Variants in CFAP61 observed in about 807,000 individuals in gnomAD.
CFAP61 encodes cilia- and flagella-associated protein 61.
In CFAP61, 107 loss-of-function variants were observed where a neutral mutation model predicts 135.6. That is an observed-to-expected ratio of 0.79 (90% CI 0.67 to 0.93). CFAP61 has a LOEUF of 0.93. Among genes scored for constraint, CFAP61 ranks in the 40% least tolerant of loss-of-function variants. CFAP61 has a pLI of 0.00. For missense variants in CFAP61, 1,507 were observed against 1,556.2 expected, an observed-to-expected ratio of 0.97 and a Z score of 0.53; for synonymous variants, 575 against 578.5, an observed-to-expected ratio of 0.99 and a Z score of 0.09.
intron 8 of CFAP61, chr20:20,107,784 A>G (rs776114024): frequency 5.3e-5 from 8 of 152,078 alleles, no homozygotes; most frequent in Non-Finnish European, 7.3e-5. Flanking sequence ...ATGTGCCACC[A>G]TACCTTGCTA....
At position 20,140,776 on chromosome 20, in the gene CFAP61, C is replaced by T. The variant is rs561197889; in HGVS notation, c.860-2081C>T. 1.6e-3 allele frequency among the ~76,000 whole-genome samples: 237 copies of T among 151,934 alleles called. 1 individual carries two copies. Among genetic ancestry groups the T allele is most frequent in the African/African-American group, 5.5e-3 (226 of 41,434 alleles). ...GACACATGCACACGTATGCTTATTG[C>T]GGCACTATTCACAATAGCAAAGACT... is the stretch of plus-strand genomic sequence containing the variant. On this transcript the variant is annotated intron_variant, in intron 8 of 26. Coordinates refer to ENST00000245957, the MANE Select transcript of CFAP61 (RefSeq NM_015585.4).
At chr20:20,097,780 A>T (rs2047690726) in intron 7 of CFAP61, among the ~76,000 whole-genome samples, 1 of 152,212 alleles carries the variant, frequency 6.6e-6, no homozygotes, top group Non-Finnish European at 1.5e-5. Flanking sequence ...TCACTGGAAC[A>T]TTTTCCACCA....
intron 25 of CFAP61, among the ~76,000 whole-genome samples, chr20:20,321,727 CCA>C (rs1488882689): frequency 6.6e-6 from 1 of 152,154 alleles, no homozygotes; most frequent in African/African-American, 2.4e-5. Flanking sequence ...GGTCCCAACT[CCA>C]GTTTCCTTGG....
Position 20,196,686 on chromosome 20 carries a change from C to G in CFAP61, c.1707C>G (p.His569Gln). 2 of 1,614,196 alleles carry G rather than the reference C, an allele frequency of 1.2e-6. No individual in the cohort carries two copies. Among genetic ancestry groups the G allele is most frequent in the East Asian group, 4.5e-5 (2 of 44,882 alleles). Residue 569 changes from histidine (H) to glutamine (Q), a missense_variant, in exon 16 of 27, where the codon CAC becomes CAG. Transcript: ENST00000245957. The stretch of plus-strand genomic sequence containing the variant: ...TTGCCCTCAACCCCATTTTCCGGCA[C>G]TACACCAAGTTCTTTCTGAAGGAGA... ...HHFALNPIFR[H>Q]YTKFFLKEIL...
chr20:20,314,403 A>AC (rs1279714528), intron 25 of CFAP61, among the ~76,000 whole-genome samples: 4 of 146,742 alleles, frequency 2.7e-5, no homozygotes, highest in African/African-American at 1.0e-4. Context: ...AAAAAAAAAA[A>AC]AAAAAATCAA....
At chr20:20,335,068 C>T (rs2058131121) in intron 25 of CFAP61, among the ~76,000 whole-genome samples, 1 of 152,124 alleles carries the variant, frequency 6.6e-6, no homozygotes, top group Non-Finnish European at 1.5e-5. Context: ...CAAATTGTGC[C>T]TGTTCTCTGC....
Position 20,074,345 on chromosome 20 carries a change from A to G in CFAP61, c.338A>G (p.Glu113Gly), listed in dbSNP as rs1268130680. 6.2e-7 allele frequency: 1 copy of G among 1,614,048 alleles called. No homozygotes were observed. Among genetic ancestry groups the G allele is most frequent in the African/African-American group, 1.3e-5 (1 of 74,914 alleles). Reference sequence around the variant, plus strand: ...ATGCACCTCTTTGTGGCCGTGGATGAGTATTCTGTTGGCTGTTGCAAAGAG... The same window carrying G: ...ATGCACCTCTTTGTGGCCGTGGATGGGTATTCTGTTGGCTGTTGCAAAGAG... ...LFMHLFVAVDEYSVGCCKEIL... is the reference protein window; with the variant it reads ...LFMHLFVAVDGYSVGCCKEIL... Residue 113 changes from glutamate (E) to glycine (G), a missense_variant, in exon 4 of 27, where the codon GAG (glutamate) becomes GGG (glycine). Glu to Gly is a moderately conservative substitution (Grantham distance 98). Coordinates refer to ENST00000245957, the MANE Select transcript of CFAP61 (RefSeq NM_015585.4).
At chr20:20,282,043 A>G (rs1462129729) in intron 22 of CFAP61, among the ~76,000 whole-genome samples, 1 of 152,174 alleles carries the variant, frequency 6.6e-6, no homozygotes, top group East Asian at 1.9e-4. Context: ...ATTTGTTGGC[A>G]TTAAGTTTTT....
chr20:20,151,256 G>C (rs1358255102), intron 9 of CFAP61, among the ~76,000 whole-genome samples: 1 of 151,366 alleles, frequency 6.6e-6, no homozygotes, highest in African/African-American at 2.4e-5. Flanking sequence ...AATACAAAAT[G>C]CACTTGAAAG....
rs2059393648 is a variant in CFAP61, at chr20:20,359,446, C to G, written c.3514-764C>G. Reference sequence around the variant, plus strand: ...TTGGGAGGCCGAGGTGGGCAGATCACCTGAGGTCGGGAGTTCAAGACCAGC... The same window carrying G: ...TTGGGAGGCCGAGGTGGGCAGATCAGCTGAGGTCGGGAGTTCAAGACCAGC... On this transcript the variant is annotated intron_variant, in intron 26 of 26. Coordinates refer to ENST00000245957, the MANE Select transcript of CFAP61 (RefSeq NM_015585.4). This position sits in a 1 kb window ranked among gnomAD's most constrained non-coding sequence, Gnocchi z 4.0. 6.6e-6 allele frequency among the ~76,000 whole-genome samples: 1 copy of G among 152,002 alleles called. No homozygotes were observed. Among genetic ancestry groups the G allele is most frequent in the African/African-American group, 2.4e-5 (1 of 41,380 alleles).
At chr20:20,301,558 T>C (rs2056105748) in intron 25 of CFAP61, among the ~76,000 whole-genome samples, 1 of 152,230 alleles carries the variant, frequency 6.6e-6, no homozygotes. Flanking sequence ...ACTTTTAAAT[T>C]TGGCCAGTCT....
At chr20:20,286,812 A>T (rs532347804) in intron 22 of CFAP61, among the ~76,000 whole-genome samples, 18 of 152,346 alleles carry the variant, frequency 1.2e-4, no homozygotes. Flanking sequence ...GTATAAGTAA[A>T]CATTACTGCA....
chr20:20,228,290 G>A lies in CFAP61; in HGVS notation c.1974G>A (p.Leu658=). Residue 658 remains leucine (L), a synonymous_variant, in exon 18 of 27, where the codon TTG becomes TTA. Coordinates refer to ENST00000245957, the MANE Select transcript of CFAP61 (RefSeq NM_015585.4). ...ACCATACAAACAGAAAACTAACATT[G>A]GAACCTAAAATTACTGTCAATGCCA... The part of the protein sequence containing the change: ...ALNHTNRKLT[L]EPKITVNAKI... The A allele has an allele frequency of 1.2e-6, 2 of 1,610,674 alleles. No individual in the cohort carries two copies. Among genetic ancestry groups the A allele is most frequent in the South Asian group, 2.2e-5 (2 of 90,758 alleles).
intron 25 of CFAP61, among the ~76,000 whole-genome samples, chr20:20,324,234 G>A: frequency 6.6e-6 from 1 of 151,986 alleles, no homozygotes; most frequent in South Asian, 2.1e-4. Flanking sequence ...ATAGAAAATT[G>A]TACATGGCTG....
chr20:20,114,736 A>G (rs1039311988), intron 8 of CFAP61, among the ~76,000 whole-genome samples: 11 of 152,074 alleles, frequency 7.2e-5, no homozygotes, highest in Non-Finnish European at 1.6e-4. Context: ...AAACTTTATA[A>G]TTTAAATTTG....
rs765880107 is a variant in CFAP61 at position 20,341,898 on chromosome 20, C to T, written c.3490C>T (p.Arg1164Cys). The change falls in exon 26 of 27, where the codon CGC becomes TGC. Residue 1164 changes from arginine to cysteine, a missense_variant. Physicochemically the swap from Arg to Cys is radical, Grantham distance 180. Transcript: ENST00000245957. The stretch of plus-strand genomic sequence containing the variant: ...TTTTATTGATCTCAGGAAAGAGTTA[C>T]GCCAAATCTTAGCCTCCAAGGAGGT... Reference protein sequence around the residue: ...DRFIDLRKELRQILASKEEED... With the variant: ...DRFIDLRKELCQILASKEEED... The T allele has an allele frequency of 1.1e-5, 17 of 1,613,038 alleles. No homozygotes were observed. The highest frequency in any genetic ancestry group is 3.3e-5 in the South Asian group (3 of 90,958).
At chr20:20,175,940 T>C (rs1246447779) in intron 13 of CFAP61, among the ~76,000 whole-genome samples, 1 of 151,692 alleles carries the variant, frequency 6.6e-6, no homozygotes. Flanking sequence ...TGCGAGAAAA[T>C]TTTTGCAATC....
intron 24 of CFAP61, among the ~76,000 whole-genome samples, chr20:20,294,483 C>G (rs1425986463): frequency 6.6e-6 from 1 of 152,220 alleles, no homozygotes; most frequent in East Asian, 1.9e-4. Context: ...AAGTTAAGAT[C>G]AGCCATCAGT....
chr20:20,324,559 A>G (rs1221008099), intron 25 of CFAP61, among the ~76,000 whole-genome samples: 1 of 152,196 alleles, frequency 6.6e-6, no homozygotes, highest in Non-Finnish European at 1.5e-5. Flanking sequence ...GGCATTGTAT[A>G]TAATGTTACC....
Sources: gnomAD v4.1 joint callset for allele counts (sites outside exome capture counted in the v4.1 genomes callset) on GRCh38, gnomAD v4.1.1 for gene constraint, Gnocchi (gnomAD v3.1) non-coding constraint, MANE v1.5 for transcripts, NCBI Gene and HGNC (gene_info 2026-07-23, HGNC 2026-07-21) for gene names.